The following ZBTB46 variants were observed in gnomAD, a reference collection of about 807,000 sequenced individuals.
ZBTB46 encodes the protein zinc finger and BTB domain-containing protein 46.
ZBTB46 carries 8 observed loss-of-function variants against 44.1 expected under a neutral mutation model. The observed-to-expected ratio is 0.18, with a 90% CI of 0.11 to 0.33. ZBTB46 has a LOEUF of 0.33. Ranked by LOEUF, ZBTB46 falls within the 10% of genes least tolerant of loss-of-function variation. The pLI, the probability that ZBTB46 is intolerant of heterozygous loss-of-function variation, is 1.00. For synonymous variants in ZBTB46, 409 were observed against 382.3 expected, an observed-to-expected ratio of 1.07 and a Z score of -0.81; for missense variants, 651 against 847.7, an observed-to-expected ratio of 0.77 and a Z score of 2.88.
upstream of ZBTB46, among the ~76,000 whole-genome samples, chr20:63,831,712 C>T (rs1205071337): frequency 1.3e-5 from 2 of 150,778 alleles, no homozygotes; most frequent in Admixed American, 6.6e-5. Flanking sequence ...GCTCCCTTCC[C>T]GGGCCGCGCA....
chr20:63,829,981 C>A (rs1175932700), intron 1 of ZBTB46, among the ~76,000 whole-genome samples: 1 of 152,242 alleles, frequency 6.6e-6, no homozygotes, highest in Non-Finnish European at 1.5e-5. Flanking sequence ...ATTAGCATTT[C>A]TTTAAACAAT....
rs2092421778 is a variant in ZBTB46 at position 63,775,895 on chromosome 20, T to A, written c.1005A>T (p.Ala335=). The A allele has an allele frequency of 6.2e-7, 1 of 1,610,284 alleles. No homozygotes were observed. Among genetic ancestry groups the A allele is most frequent in the South Asian group, 1.1e-5 (1 of 90,922 alleles). The part of the protein sequence containing the change: ...DSRGERAELY[A]QVEEGLLGGE... The stretch of plus-strand genomic sequence containing the variant: ...CTCCCAGGAGACCCTCCTCCACCTG[T>A]GCATAGAGCTCGGCCCTCTCTCCTC... Residue 335 remains alanine, a synonymous_variant, in exon 3 of 5, where the codon GCA becomes GCT. Coordinates refer to ENST00000245663, the MANE Select transcript of ZBTB46 (RefSeq NM_001369741.1).
At chr20:63,826,264 T>G (rs2092818923) in intron 1 of ZBTB46, among the ~76,000 whole-genome samples, 1 of 152,280 alleles carries the variant, frequency 6.6e-6, no homozygotes, top group South Asian at 2.1e-4. Flanking sequence ...GACTTTCAGA[T>G]AAATGAAGAC....
chr20:63,772,099 A>G (rs1241994093), intron 3 of ZBTB46, among the ~76,000 whole-genome samples: 2 of 148,932 alleles, frequency 1.3e-5, no homozygotes, highest in African/African-American at 5.0e-5. Flanking sequence ...GGTTCAAGCG[A>G]TTCTCCTGCC....
chr20:63,769,590 C>T (rs886609849), intron 3 of ZBTB46, among the ~76,000 whole-genome samples: 3 of 152,172 alleles, frequency 2.0e-5, no homozygotes, highest in Non-Finnish European at 2.9e-5. Context: ...GACTTCTCTG[C>T]GGTGTGTCTC....
chr20:63,833,157 G>A (rs765150685), upstream of ZBTB46, among the ~76,000 whole-genome samples: 1 of 152,238 alleles, frequency 6.6e-6, no homozygotes, highest in Non-Finnish European at 1.5e-5. Context: ...TGCAGGGATG[G>A]AGAGCAGCAG....
At chr20:63,806,373 C>T (rs2092681270) in intron 1 of ZBTB46, among the ~76,000 whole-genome samples, 3 of 146,020 alleles carry the variant, frequency 2.1e-5, no homozygotes, top group Non-Finnish European at 4.5e-5. Flanking sequence ...TATCACTGCA[C>T]TCCAGCCCAG....
chr20:63,809,086 A>G (rs985614335), intron 1 of ZBTB46, among the ~76,000 whole-genome samples: 18 of 150,822 alleles, frequency 1.2e-4, no homozygotes, highest in Admixed American at 1.3e-4. Context: ...GGTGCTGCAG[A>G]GGCACTCAAG....
rs1272249106 is a variant in ZBTB46, at chr20:63,752,091, T to C, written c.1398+595A>G. Among the ~76,000 whole-genome samples the C allele has an allele frequency of 6.6e-6, 1 of 151,860 alleles. No homozygotes were observed. Among genetic ancestry groups the C allele is most frequent in the Non-Finnish European group, 1.5e-5 (1 of 67,934 alleles). ...GGGCGTTCCAGGACTCCCCGAACCC[T>C]TGGGGCCGCCCCGCTCTGGGCTGCC... On this transcript the variant is annotated intron_variant, in intron 4 of 4. Transcript: ENST00000245663. This position sits in a 1 kb window ranked among gnomAD's most constrained non-coding sequence, Gnocchi z 5.6.
chr20:63,804,470 G>A (rs533180435), intron 1 of ZBTB46, among the ~76,000 whole-genome samples: 7 of 152,234 alleles, frequency 4.6e-5, no homozygotes, highest in Non-Finnish European at 8.8e-5. Flanking sequence ...AAGCCCTCCC[G>A]GGCGTCACTG....
At chr20:63,810,431 G>C (rs572506691) in intron 1 of ZBTB46, among the ~76,000 whole-genome samples, 1 of 152,236 alleles carries the variant, frequency 6.6e-6, no homozygotes, top group South Asian at 2.1e-4. Flanking sequence ...ACTCAGGATA[G>C]GCACCAAAAC....
intron 3 of ZBTB46, chr20:63,769,494 G>A: frequency 1.0e-6 from 1 of 962,630 alleles, no homozygotes; most frequent in Non-Finnish European, 1.2e-6. Flanking sequence ...TGTGAGCCCG[G>A]TGATGCCCCA....
chr20:63,801,450 A>G (rs770103963), intron 1 of ZBTB46, among the ~76,000 whole-genome samples: 1 of 152,362 alleles, frequency 6.6e-6, no homozygotes, highest in East Asian at 1.9e-4. Context: ...TGGACCAATC[A>G]GCAAGATGTG....
chr20:63,820,848 C>G (rs6122189), intron 1 of ZBTB46, among the ~76,000 whole-genome samples: 2,546 of 152,210 alleles, frequency 0.017, 148 homozygotes, highest in Admixed American at 0.11. Context: ...CCTGCCTCAT[C>G]CTCCCGAAGA....
rs746691085 is a variant in ZBTB46 at position 63,771,853 on chromosome 20, GA to G, written c.1222+3824del. ...CAGGCAGGGGCCACACAGGATGCCA[GA>G]AAATTACGTTTTAAAATAACCTGTC... is the stretch of plus-strand genomic sequence containing the variant. On this transcript the variant is annotated intron_variant, in intron 3 of 4. Transcript: ENST00000245663. 4.6e-5 allele frequency among the ~76,000 whole-genome samples: 7 copies of G among 152,322 alleles called. No homozygotes were observed. In the East Asian group the frequency reaches 5.8e-4, roughly 13 times the overall value.
At chr20:63,754,131 C>A (rs1386854851) in intron 3 of ZBTB46, among the ~76,000 whole-genome samples, 3 of 152,222 alleles carry the variant, frequency 2.0e-5, no homozygotes, top group Admixed American at 6.5e-5. Context: ...ACCCCGGAGG[C>A]CCCGCCTGGC....
Position 63,803,277 on chromosome 20 carries a change from G to A in ZBTB46, c.-33-12487C>T. 11 of 981,746 alleles carry A rather than the reference G, an allele frequency of 1.1e-5. No homozygotes were observed. The South Asian group carries it at 4.7e-4, about 42-fold the overall frequency. The allele number at this position is 981,746 out of a possible 1,614,324, so 60.8% of individuals were successfully genotyped here. On this transcript the variant is annotated intron_variant, in intron 1 of 4. Coordinates refer to ENST00000245663, the MANE Select transcript of ZBTB46 (RefSeq NM_001369741.1). The surrounding 1 kb of genome is among the most constrained non-coding windows in gnomAD (Gnocchi z 4.0). ...TTTACCTTCTTCTGAAAAAATTAAG[G>A]TTAAGACATGAATACTGTGAAACTG...
rs73916658 is a variant in ZBTB46, at chr20:63,814,599, A to C, written c.-34+16498T>G. ...ACCTGCCTCCTCCCACCCCCAGGCA[A>C]GGGTCCTCATTTGGGGTTGACCTCC... On this transcript the variant is annotated intron_variant, in intron 1 of 4. Transcript: ENST00000245663. Among the ~76,000 whole-genome samples, 595 of 152,180 alleles carry C rather than the reference A, an allele frequency of 3.9e-3. 3 individuals are homozygous for C. Among genetic ancestry groups the C allele is most frequent in the African/African-American group, 0.014 (575 of 41,538 alleles).
chr20:63,783,468 A>C (rs2092487542), intron 2 of ZBTB46, among the ~76,000 whole-genome samples: 1 of 152,224 alleles, frequency 6.6e-6, no homozygotes, highest in Non-Finnish European at 1.5e-5. Context: ...TCCAGTGCCG[A>C]GTGCAGAATT....
Sources: gnomAD v4.1 joint callset for allele counts (sites outside exome capture counted in the v4.1 genomes callset) on GRCh38, gnomAD v4.1.1 for gene constraint, Gnocchi (gnomAD v3.1) non-coding constraint, MANE v1.5 for transcripts, NCBI Gene and HGNC (gene_info 2026-07-23, HGNC 2026-07-21) for gene names.